Variants in TANGO6 observed in about 807,000 individuals in gnomAD.
TANGO6 encodes transport and golgi organization 6 homolog, also known as transport and Golgi organization protein 6 homolog.
TANGO6 carries 90 observed loss-of-function variants against 114.2 expected under a neutral mutation model. That is an observed-to-expected ratio of 0.79 (90% CI 0.66 to 0.94). The LOEUF (loss-of-function observed/expected upper bound fraction) is 0.94, where lower values mean the gene tolerates loss of function less well. TANGO6 is among the 40% of genes least tolerant of loss of function. The pLI is 0.00. For missense variants in TANGO6, 1,274 were observed against 1,315.3 expected (o/e 0.97, Z 0.49); for synonymous variants, 477 against 509.8 (o/e 0.94, Z 0.87).
chr16:69,056,825 G>A (rs1960038686), intron 17 of TANGO6, among the ~76,000 whole-genome samples: 2 of 151,848 alleles, frequency 1.3e-5, no homozygotes, highest in Admixed American at 6.6e-5. Flanking sequence ...GGTTACAGGC[G>A]CCTGCCACCA....
intron 14 of TANGO6, among the ~76,000 whole-genome samples, chr16:68,964,860 C>T (rs1283665016): frequency 6.6e-6 from 1 of 152,112 alleles, no homozygotes; most frequent in Non-Finnish European, 1.5e-5. Flanking sequence ...TGAGCCACTG[C>T]ACCTGCCCTT....
At chr16:68,944,332 G>A (rs988530926) in intron 14 of TANGO6, among the ~76,000 whole-genome samples, 3 of 152,128 alleles carry the variant, frequency 2.0e-5, no homozygotes, top group Admixed American at 6.6e-5. Flanking sequence ...AAGTGCTGAT[G>A]GAAAATAAAG....
chr16:68,875,101 A>T, intron 4 of TANGO6, 53 bp from the exon 5 acceptor site: 1 of 1,539,096 alleles, frequency 6.5e-7, no homozygotes, highest in Non-Finnish European at 8.8e-7. Flanking sequence ...GTTACATGGG[A>T]CCTTCTGTGG....
chr16:68,973,184 CCAA>C (rs1963726561), intron 14 of TANGO6: 3 of 455,646 alleles, frequency 6.6e-6, no homozygotes, highest in Non-Finnish European at 1.3e-5. Context: ...TTGGAGAAAC[CCAA>C]AGCAGAGTTG....
At chr16:68,873,937 A>G (rs1157803352) in intron 4 of TANGO6, among the ~76,000 whole-genome samples, 1 of 152,208 alleles carries the variant, frequency 6.6e-6, no homozygotes, top group Non-Finnish European at 1.5e-5. Flanking sequence ...GTAACAATAC[A>G]GATTGTACTA....
At chr16:68,893,757 C>G (rs954541851) in intron 7 of TANGO6, among the ~76,000 whole-genome samples, 1 of 84,192 alleles carries the variant, frequency 1.2e-5, no homozygotes, top group African/African-American at 4.4e-5. Context: ...AGAAAACAAC[C>G]AAAAAAAAAA....
At chr16:68,989,301 T>C (rs1184522309) in intron 15 of TANGO6, among the ~76,000 whole-genome samples, 2 of 152,174 alleles carry the variant, frequency 1.3e-5, no homozygotes, top group Non-Finnish European at 2.9e-5. Context: ...GTTCAATTTT[T>C]TTTTTTCAAT....
chr16:68,876,087 TAATG>T (rs549094272), intron 5 of TANGO6, among the ~76,000 whole-genome samples: 2 of 152,234 alleles, frequency 1.3e-5, no homozygotes, highest in Non-Finnish European at 2.9e-5. Context: ...GTGCATATGT[TAATG>T]TATGTATATA....
intron 17 of TANGO6, among the ~76,000 whole-genome samples, chr16:69,062,038 A>G (rs1960126299): frequency 6.6e-6 from 1 of 152,170 alleles, no homozygotes; most frequent in Non-Finnish European, 1.5e-5. Context: ...AAAAAAAAGA[A>G]TGCATTTCGG....
chr16:69,015,559 G>C (rs1008360679), intron 15 of TANGO6, among the ~76,000 whole-genome samples: 32 of 151,812 alleles, frequency 2.1e-4, no homozygotes, highest in African/African-American at 7.7e-4. Context: ...TCGGCTAACT[G>C]TAAGCTCCAC....
intron 9 of TANGO6, among the ~76,000 whole-genome samples, chr16:68,906,137 G>A (rs980645385): frequency 3.3e-5 from 5 of 151,850 alleles, no homozygotes; most frequent in East Asian, 1.9e-4. Context: ...CCAAGATCGC[G>A]CCATTGCATT....
chr16:68,867,904 G>A (rs1253060634), intron 4 of TANGO6: 2 of 151,820 alleles, frequency 1.3e-5, no homozygotes, highest in East Asian at 1.9e-4. Flanking sequence ...CACTTTGGGA[G>A]GCTGAGGCAG....
At chr16:68,984,052 A>G (rs1274049972) in intron 15 of TANGO6, among the ~76,000 whole-genome samples, 2 of 152,010 alleles carry the variant, frequency 1.3e-5, no homozygotes, top group East Asian at 1.9e-4. Context: ...AAAAAAAAAA[A>G]AAGAAAAATA....
At position 68,856,753 on chromosome 16, in the gene TANGO6, A is replaced by T. The variant is rs1349403852; in HGVS notation, c.95-3131A>T. Among the ~76,000 whole-genome samples, 3 of 152,220 alleles carry T rather than the reference A, an allele frequency of 2.0e-5. No individual in the cohort carries two copies. The South Asian group carries it at 6.2e-4, about 32-fold the overall frequency. Reference sequence around the variant, plus strand: ...TATATAATTTTATGAGTTTTGACAAATGCATAATATCATATATCCATCATT... The same window carrying T: ...TATATAATTTTATGAGTTTTGACAATTGCATAATATCATATATCCATCATT... On this transcript the variant is annotated intron_variant, in intron 1 of 17. Coordinates refer to ENST00000261778, the MANE Select transcript of TANGO6 (RefSeq NM_024562.2).
chr16:69,013,654 CTTT>C (rs1221505040), intron 15 of TANGO6, among the ~76,000 whole-genome samples: 2 of 128,148 alleles, frequency 1.6e-5, no homozygotes, highest in Non-Finnish European at 1.6e-5. Flanking sequence ...CCTTAAGTTC[CTTT>C]TTTTTTTTTT....
At chr16:69,059,474 G>C (rs1369111787) in intron 17 of TANGO6, among the ~76,000 whole-genome samples, 26 of 151,732 alleles carry the variant, frequency 1.7e-4, no homozygotes, top group Admixed American at 1.7e-3. Context: ...CCAAAGTTCT[G>C]GGATTAAAGG....
intron 7 of TANGO6, among the ~76,000 whole-genome samples, chr16:68,881,260 T>C (rs1390485698): frequency 1.3e-5 from 2 of 152,178 alleles, no homozygotes; most frequent in Non-Finnish European, 2.9e-5. Flanking sequence ...ACGCCTGTCA[T>C]CCCAGCACTT....
intron 17 of TANGO6, among the ~76,000 whole-genome samples, chr16:69,080,851 C>A (rs905381504): frequency 1.1e-4 from 16 of 152,236 alleles, no homozygotes; most frequent in African/African-American, 3.4e-4. Context: ...TAATAACCTT[C>A]CTCTAGGCCG....
intron 16 of TANGO6, among the ~76,000 whole-genome samples, chr16:69,030,091 G>C (rs538216815): frequency 2.1e-5 from 3 of 139,798 alleles, no homozygotes; most frequent in Middle Eastern, 8.5e-3. Flanking sequence ...CTGGGCGACA[G>C]AGCGAGACTC....
Sources: allele counts gnomAD v4.1 joint callset (sites outside exome capture counted in the v4.1 genomes callset), GRCh38; gene constraint gnomAD v4.1.1; transcripts MANE v1.5; gene names NCBI Gene and HGNC (gene_info 2026-07-23, HGNC 2026-07-21).